OFD1: variants seen among roughly 807,000 people sequenced by gnomAD.
OFD1 encodes the protein OFD1 centriole and centriolar satellite protein, also known as centriole and centriolar satellite protein OFD1.
A neutral mutation model predicts 81.4 loss-of-function variants in OFD1; 12 were observed. The observed-to-expected ratio is 0.15, with a 90% CI of 0.09 to 0.24. The LOEUF is 0.24. Ranked by LOEUF, OFD1 falls within the 10% of genes least tolerant of loss-of-function variation. The probability of loss-of-function intolerance (pLI) is 1.00; values close to 1 mark genes in which losing one functional copy is unlikely to be tolerated. For missense variants in OFD1, 685 were observed against 733.9 expected (o/e 0.93, Z 0.77); for synonymous variants, 256 against 263.7 (o/e 0.97, Z 0.28).
the OFD1 span, among the ~76,000 whole-genome samples, chrX:13,723,214 T>C: frequency 9.0e-6 from 1 of 111,690 alleles, no homozygotes; most frequent in Non-Finnish European, 1.9e-5. Context: ...AGATCAATGA[T>C]TCCAAACTAG....
chrX:13,738,650 C>A (rs889225035), intron 3 of OFD1, 196 bp from the exon 4 acceptor site: 1 of 388,461 alleles, frequency 2.6e-6, no homozygotes, highest in Non-Finnish European at 4.5e-6. Context: ...GATATTTTAT[C>A]CTTTTGACCT....
intron 20 of OFD1, among the ~76,000 whole-genome samples, chrX:13,767,675 G>A: frequency 9.0e-6 from 1 of 111,603 alleles, no homozygotes; most frequent in Non-Finnish European, 1.9e-5. Context: ...GTTGCTTCCA[G>A]GGGCACACAC....
intron 20 of OFD1, 119 bp downstream of exon 20, chrX:13,767,403 T>A: frequency 2.9e-6 from 2 of 693,983 alleles, no homozygotes; most frequent in Non-Finnish European, 4.7e-6. Context: ...GCAGATGCCT[T>A]AAAAGGCATC....
intron 5 of OFD1, chrX:13,740,021 C>G (rs1167861190): frequency 2.2e-6 from 2 of 924,996 alleles, no homozygotes; most frequent in African/African-American, 4.1e-5. Flanking sequence ...CAAGGACATT[C>G]ATTTATTCAT....
At chrX:13,748,822 A>C (rs1003387289) in intron 8 of OFD1, among the ~76,000 whole-genome samples, 2 of 111,193 alleles carry the variant, frequency 1.8e-5, no homozygotes, top group African/African-American at 3.3e-5. Flanking sequence ...GAACTTGCCA[A>C]AATTTAGGTA....
intron 6 of OFD1, among the ~76,000 whole-genome samples, chrX:13,745,196 T>A (rs1037584730): frequency 1.8e-5 from 2 of 112,461 alleles, no homozygotes; most frequent in Non-Finnish European, 3.7e-5. Flanking sequence ...GACTATGCCT[T>A]TAAGTGTATT....
intron 7 of OFD1, 54 bp from the exon 8 acceptor site, chrX:13,746,726 C>T: frequency 1.0e-6 from 1 of 959,452 alleles, no homozygotes; most frequent in Non-Finnish European, 1.5e-6. Flanking sequence ...GAACTTGTTC[C>T]TGTTTTTATA....
chrX:13,752,653 T>A, intron 10 of OFD1: 1 of 953,558 alleles, frequency 1.0e-6, no homozygotes. Flanking sequence ...GTATGTGTGT[T>A]AATTTTACAT....
intron 8 of OFD1, among the ~76,000 whole-genome samples, chrX:13,748,393 A>G (rs774499377): frequency 1.6e-4 from 18 of 112,104 alleles, no homozygotes; most frequent in Non-Finnish European, 3.0e-4. Flanking sequence ...CCCAGCTTGG[A>G]TGTCACCTGG....
At chrX:13,734,121 C>T (rs746032983), upstream of OFD1, 231 of 511,094 alleles carry the variant, frequency 4.5e-4, no homozygotes, top group Non-Finnish European at 6.8e-4. Context: ...GATCTTGCTT[C>T]CAAGAGGACA....
chrX:13,765,858 A>C (rs1372767112), intron 19 of OFD1, among the ~76,000 whole-genome samples: 1 of 112,324 alleles, frequency 8.9e-6, no homozygotes, highest in East Asian at 2.8e-4. Flanking sequence ...AAGTACATGT[A>C]GTTTTTGACA....
rs148396332 is a variant in OFD1, at chrX:13,750,685, C to T, written c.936-564C>T. ...AGACACAGTGTCTCTCTGTATTGCC[C>T]AGGCTGGTCTCAAACACTTGGGCTC... On this transcript the variant is annotated intron_variant, in intron 9 of 22. Transcript: ENST00000340096. Among the ~76,000 whole-genome samples the T allele has an allele frequency of 6.6e-3, 733 of 111,899 alleles. 4 individuals carry two copies. Among genetic ancestry groups the T allele is most frequent in the African/African-American group, 0.023 (702 of 30,832 alleles).
downstream of OFD1, among the ~76,000 whole-genome samples, chrX:13,769,526 A>AAAAC: frequency 9.0e-6 from 1 of 111,677 alleles, no homozygotes; most frequent in Non-Finnish European, 1.9e-5. Flanking sequence ...CCTGAACATA[A>AAAAC]AAACAGATTT....
chrX:13,716,123 T>G, the OFD1 span: 1 of 1,156,285 alleles, frequency 8.6e-7, no homozygotes, highest in Non-Finnish European at 1.2e-6. Context: ...TTCTTAGAAA[T>G]GAAAAACAAA....
upstream of OFD1, among the ~76,000 whole-genome samples, chrX:13,730,775 G>T (rs1486765141): frequency 9.0e-6 from 1 of 110,854 alleles, no homozygotes; most frequent in Non-Finnish European, 1.9e-5. Context: ...TAGGGACATG[G>T]ATGAAGCTGG....
chrX:13,750,359 T>TTA (rs752341299), intron 9 of OFD1, among the ~76,000 whole-genome samples: 1 of 111,740 alleles, frequency 8.9e-6, no homozygotes, highest in African/African-American at 3.3e-5. Flanking sequence ...TAAATGTAGT[T>TTA]TACCTCTCCA....
In OFD1 at chrX:13,738,896, C is replaced by T; in HGVS notation, c.363C>T (p.Ser121=). ...AACTCATTAAAATCAACCCTACTTC[C>T]AGTCTCTACAAATCACTGGTAAGAT... ...LLQLIKINPT[S]SLYKSLVSGS... The change falls in exon 4 of 23, where the codon TCC becomes TCT. Residue 121 remains serine (S), a synonymous_variant. Transcript: ENST00000340096. The T allele has an allele frequency of 1.7e-6, 2 of 1,191,536 alleles. No homozygotes were observed. The highest frequency in any genetic ancestry group is 1.8e-5 in the South Asian group (1 of 56,488).
Position 13,760,973 on chromosome X carries a change from A to G in OFD1, c.2261-112A>G, listed in dbSNP as rs961355382. 1.7e-5 allele frequency: 17 copies of G among 975,233 alleles called. No individual in the cohort carries two copies. The African/African-American group carries it at 3.2e-4, about 18-fold the overall frequency. 80.4% of individuals were successfully genotyped at this position (975,233 alleles called of 1,213,427 possible). On this transcript the variant is annotated intron_variant, in intron 16 of 22. Coordinates refer to ENST00000340096, the MANE Select transcript of OFD1 (RefSeq NM_003611.3). Reference sequence around the variant, plus strand: ...TGGATCTTATGCATCATAATTGGCTATTTGTGAGGATAACAGTTTATTTTC... The same window carrying G: ...TGGATCTTATGCATCATAATTGGCTGTTTGTGAGGATAACAGTTTATTTTC...
rs2047877604 is a variant in OFD1 at position 13,760,279 on chromosome X, A to G, written c.1819A>G (p.Arg607Gly). 1.7e-6 allele frequency: 2 copies of G among 1,212,047 alleles called. No individual in the cohort carries two copies. Among genetic ancestry groups the G allele is most frequent in the Non-Finnish European group, 1.1e-6 (1 of 895,461 alleles). The stretch of plus-strand genomic sequence containing the variant: ...CGTTCTAGCACGTATGGTTGCATCA[A>G]GGATCACAAATTATCCAACTGCATG... ...ENVLARMVAS[R>G]ITNYPTAWVE... The change falls in exon 16 of 23, where the codon AGG becomes GGG. Residue 607 changes from arginine (R) to glycine (G), a missense_variant. Arg to Gly is a moderately radical substitution (Grantham distance 125). Around this residue, in one of 3 missense-constraint regions of OFD1, gnomAD observed 414 missense variants for 447.2 expected, o/e 0.93. Coordinates refer to ENST00000340096, the MANE Select transcript of OFD1 (RefSeq NM_003611.3).
Sources: allele counts gnomAD v4.1 joint callset (sites outside exome capture counted in the v4.1 genomes callset), GRCh38; gene constraint gnomAD v4.1.1; regional missense constraint gnomAD v4.1.1; transcripts MANE v1.5; gene names NCBI Gene and HGNC (gene_info 2026-07-23, HGNC 2026-07-21).